The following TEX9 variants were observed in gnomAD, a reference collection of about 807,000 sequenced individuals.
The protein encoded by TEX9 is testis-expressed protein 9.
In TEX9, 74 loss-of-function variants were observed where a neutral mutation model predicts 59.6. The ratio of observed to expected loss-of-function variants is 1.24; its 90% CI spans 1.03 to 1.51. The LOEUF (loss-of-function observed/expected upper bound fraction) is 1.51, where lower values mean the gene tolerates loss of function less well. TEX9 is among the 40% of genes most tolerant of loss of function. The probability of loss-of-function intolerance (pLI) is 0.00; values close to 1 mark genes in which losing one functional copy is unlikely to be tolerated. For synonymous variants in TEX9, 186 were observed against 152.2 expected (o/e 1.22, Z -1.64); for missense variants, 522 against 447.8 (o/e 1.17, Z -1.49).
chr15:56,369,707 T>G (rs1179345899), intron 2 of TEX9, among the ~76,000 whole-genome samples: 2 of 152,236 alleles, frequency 1.3e-5, no homozygotes, highest in African/African-American at 2.4e-5. Context: ...GGCCAAGTGC[T>G]TGTTCACTTT....
At chr15:56,296,540 A>G (rs556248932) in intron 1 of TEX9, among the ~76,000 whole-genome samples, 53 of 152,304 alleles carry the variant, frequency 3.5e-4, no homozygotes, top group African/African-American at 1.3e-3. Context: ...TCTGTACTCT[A>G]TCTCTTTCGG....
At chr15:56,317,071 A>G (rs2141668821) in intron 1 of TEX9, among the ~76,000 whole-genome samples, 1 of 152,164 alleles carries the variant, frequency 6.6e-6, no homozygotes, top group South Asian at 2.1e-4. Context: ...AGTGAGATGA[A>G]CCCGGTACCT....
chr15:56,417,348 T>C (rs1195400984), intron 10 of TEX9, among the ~76,000 whole-genome samples: 1 of 151,940 alleles, frequency 6.6e-6, no homozygotes, highest in African/African-American at 2.4e-5. Context: ...GCTATGAATT[T>C]CCCTCTTAAC....
chr15:56,404,691 A>G (rs1473703892), intron 9 of TEX9, among the ~76,000 whole-genome samples: 3 of 152,226 alleles, frequency 2.0e-5, no homozygotes, highest in Non-Finnish European at 4.4e-5. Flanking sequence ...ACGTATGTTT[A>G]TTGTGGCACT....
chr15:56,269,094 T>G (rs2044460816), intron 1 of TEX9, among the ~76,000 whole-genome samples: 2 of 152,190 alleles, frequency 1.3e-5, no homozygotes, highest in Non-Finnish European at 1.5e-5. Flanking sequence ...TTCTTCTAGA[T>G]TTTCTAGTTT....
chr15:56,323,874 C>G (rs1191476040), intron 1 of TEX9, among the ~76,000 whole-genome samples: 1 of 152,052 alleles, frequency 6.6e-6, no homozygotes, highest in Non-Finnish European at 1.5e-5. Context: ...ACAACTCACT[C>G]CTTTTAAAGA....
At chr15:56,459,224 G>A in the TEX9 span, among the ~76,000 whole-genome samples, 1 of 152,112 alleles carries the variant, frequency 6.6e-6, no homozygotes, top group Non-Finnish European at 1.5e-5. Flanking sequence ...GTGGCCTTTT[G>A]TATCTGGTTT....
At chr15:56,363,865 T>G (rs35155290), upstream of TEX9, among the ~76,000 whole-genome samples, 44,146 of 146,306 alleles carry the variant, frequency 0.3, 7,491 homozygotes, top group Middle Eastern at 0.47. Context: ...TTTTTTTTTG[T>G]AGAGATGGAG....
chr15:56,328,385 A>G (rs2046070519), intron 1 of TEX9, among the ~76,000 whole-genome samples: 1 of 151,972 alleles, frequency 6.6e-6, no homozygotes, highest in Admixed American at 6.6e-5. Context: ...CACATTCCCA[A>G]CTGTGGTGAC....
intron 12 of TEX9, chr15:56,428,495 T>G (rs2050437662): frequency 1.6e-6 from 2 of 1,253,740 alleles, no homozygotes; most frequent in Non-Finnish European, 2.3e-6. Context: ...ATACCCATTT[T>G]ACTTATTGTA....
intron 1 of TEX9, among the ~76,000 whole-genome samples, chr15:56,331,985 G>A (rs1361567998): frequency 1.6e-5 from 2 of 128,798 alleles, no homozygotes; most frequent in Non-Finnish European, 3.3e-5. Flanking sequence ...TGCTGGAGAG[G>A]ATGTGGAGAA....
At chr15:56,321,146 T>C (rs568959267) in intron 1 of TEX9, among the ~76,000 whole-genome samples, 3 of 152,292 alleles carry the variant, frequency 2.0e-5, no homozygotes, top group Admixed American at 6.5e-5. Context: ...GAGTTCCTAG[T>C]AGATGCGAAT....
intron 12 of TEX9, among the ~76,000 whole-genome samples, chr15:56,443,128 C>T (rs937633949): frequency 6.6e-6 from 1 of 152,126 alleles, no homozygotes; most frequent in Non-Finnish European, 1.5e-5. Context: ...CTACTTTTGA[C>T]TAGTGTCTGT....
intron 1 of TEX9, among the ~76,000 whole-genome samples, chr15:56,263,641 C>T (rs2044316954): frequency 6.6e-6 from 1 of 152,028 alleles, no homozygotes; most frequent in Admixed American, 6.6e-5. Flanking sequence ...ATGTAACTAC[C>T]ACCGCAATCA....
At chr15:56,294,008 G>C (rs907028514) in intron 1 of TEX9, among the ~76,000 whole-genome samples, 9 of 152,314 alleles carry the variant, frequency 5.9e-5, no homozygotes, top group Admixed American at 2.0e-4. Flanking sequence ...TGCAACTGGT[G>C]TCATAAGTGA....
At chr15:56,420,199 G>C (rs933052751) in intron 10 of TEX9, among the ~76,000 whole-genome samples, 1 of 151,164 alleles carries the variant, frequency 6.6e-6, no homozygotes. Context: ...ACTAATTCTG[G>C]TTTTATTGAT....
Position 56,388,538 on chromosome 15 carries a change from C to T in TEX9, c.312+18C>T, listed in dbSNP as rs189739621. 1.9e-6 allele frequency: 3 copies of T among 1,603,860 alleles called. No homozygotes were observed. The highest frequency in any genetic ancestry group is 1.3e-5 in the African/African-American group (1 of 74,688). ...AAACTAAGGTATGAAATCAAACTTTCTGTGAATGCAATTATATTCTGTAGA... is the reference window on the plus strand; with the variant it reads ...AAACTAAGGTATGAAATCAAACTTTTTGTGAATGCAATTATATTCTGTAGA... On this transcript the variant is annotated intron_variant, in intron 5 of 12. Transcript: ENST00000352903.
chr15:56,287,020 A>G (rs2044969434), intron 1 of TEX9, among the ~76,000 whole-genome samples: 1 of 152,178 alleles, frequency 6.6e-6, no homozygotes, highest in South Asian at 2.1e-4. Flanking sequence ...TTTTACTGTT[A>G]CTTAATGTCA....
intron 12 of TEX9, among the ~76,000 whole-genome samples, chr15:56,441,744 G>C (rs1169691197): frequency 6.6e-6 from 1 of 152,180 alleles, no homozygotes; most frequent in African/African-American, 2.4e-5. Context: ...GCCAGGCACG[G>C]TGGCTCACAC....
Sources: allele counts gnomAD v4.1 joint callset (sites outside exome capture counted in the v4.1 genomes callset), GRCh38; gene constraint gnomAD v4.1.1; transcripts MANE v1.5; gene names NCBI Gene and HGNC (gene_info 2026-07-23, HGNC 2026-07-21).